Variants in HBS1L observed in about 807,000 individuals in gnomAD.
HBS1L encodes the protein HBS1 like translational GTPase, also known as HBS1-like protein.
HBS1L carries 55 observed loss-of-function variants against 88.9 expected under a neutral mutation model. That is an observed-to-expected ratio of 0.62 (90% confidence interval 0.50 to 0.77). The LOEUF (loss-of-function observed/expected upper bound fraction) is 0.77. Ranked by LOEUF, HBS1L falls within the 30% of genes least tolerant of loss-of-function variation. HBS1L has a pLI of 0.00. For synonymous variants in HBS1L, 267 were observed against 288.5 expected (o/e 0.93, Z 0.76); for missense variants, 741 against 829.3 (o/e 0.89, Z 1.31).
intron 4 of HBS1L, among the ~76,000 whole-genome samples, chr6:135,011,029 A>G (rs1775758597): frequency 6.6e-6 from 1 of 152,196 alleles, no homozygotes; most frequent in African/African-American, 2.4e-5. Flanking sequence ...TTTCAAATCA[A>G]TGGGGAAAGG....
At chr6:135,012,854 T>A (rs916909895) in intron 4 of HBS1L, among the ~76,000 whole-genome samples, 5 of 152,228 alleles carry the variant, frequency 3.3e-5, no homozygotes, top group Admixed American at 6.5e-5. Flanking sequence ...TGGTAATGCA[T>A]GAATCACAGA....
At chr6:135,015,818 A>G (rs1055319633) in intron 4 of HBS1L, among the ~76,000 whole-genome samples, 5 of 150,924 alleles carry the variant, frequency 3.3e-5, no homozygotes, top group Non-Finnish European at 7.4e-5. Context: ...CCTGAGCTCA[A>G]GCAATCCACC....
intron 4 of HBS1L, among the ~76,000 whole-genome samples, chr6:135,030,429 T>C (rs1005842772): frequency 5.9e-5 from 9 of 151,962 alleles, no homozygotes; most frequent in Non-Finnish European, 1.2e-4. Context: ...GCAAGCACTA[T>C]AGAAGGAGAG....
chr6:134,970,624 G>T (rs912375047), intron 15 of HBS1L, among the ~76,000 whole-genome samples: 1 of 152,132 alleles, frequency 6.6e-6, no homozygotes, highest in Non-Finnish European at 1.5e-5. Flanking sequence ...AATCAAAAAG[G>T]TTAAGCAATT....
chr6:134,982,329 A>G, intron 13 of HBS1L, 129 bp downstream of exon 13: 1 of 617,038 alleles, frequency 1.6e-6, no homozygotes. Flanking sequence ...AACAGTCAGT[A>G]TCATTTTGAC....
intron 8 of HBS1L, among the ~76,000 whole-genome samples, chr6:134,992,737 A>C (rs1035862849): frequency 2.0e-5 from 3 of 152,236 alleles, no homozygotes; most frequent in Non-Finnish European, 4.4e-5. Context: ...GTTAAAAAAA[A>C]TTTAAATGTT....
chr6:134,960,744 T>C lies in HBS1L; in HGVS notation c.*4535A>G, dbSNP rs566105635. 2.0e-5 allele frequency: 3 copies of C among 152,278 alleles called. No homozygotes were observed. Among genetic ancestry groups the C allele is most frequent in the African/African-American group, 7.2e-5 (3 of 41,562 alleles). 9.4% of individuals were successfully genotyped at this position (152,278 alleles called of 1,614,324 possible). On this transcript the variant is annotated 3_prime_UTR_variant, in exon 18 of 18. Coordinates refer to ENST00000367837, the MANE Select transcript of HBS1L (RefSeq NM_006620.4). ...AGTTTTTAGCAATCCCTCTGAGCTT[T>C]AGTCTTCTCATCTATAGACTGAGGT...
At chr6:135,000,126 T>C (rs925912348) in intron 5 of HBS1L, among the ~76,000 whole-genome samples, 29 of 152,136 alleles carry the variant, frequency 1.9e-4, no homozygotes, top group Non-Finnish European at 4.1e-4. Context: ...TGGTACAATA[T>C]TGGCTCACTG....
intron 8 of HBS1L, among the ~76,000 whole-genome samples, chr6:134,991,288 A>G (rs912077377): frequency 1.3e-5 from 2 of 152,254 alleles, no homozygotes; most frequent in African/African-American, 4.8e-5. Context: ...CACACTTTAA[A>G]TTATCTCTAG....
intron 1 of HBS1L, among the ~76,000 whole-genome samples, chr6:135,053,749 A>G (rs1777158217): frequency 6.6e-6 from 1 of 152,228 alleles, no homozygotes; most frequent in African/African-American, 2.4e-5. Context: ...TTCGTAAAGC[A>G]TAGTTCTTTA....
In HBS1L at chr6:134,991,034, G is replaced by GA. The variant is rs367791186; in HGVS notation, c.1083+2723dup. Among the ~76,000 whole-genome samples the GA allele has an allele frequency of 7.1e-3, 948 of 133,974 alleles. 10 individuals carry two copies. The highest frequency in any genetic ancestry group is 0.017 in the African/African-American group (619 of 36,118). The allele number at this position is 133,974 out of a possible 152,430, so 87.9% of individuals were successfully genotyped here. A position where few individuals can be genotyped will look rare whatever the true frequency, so the allele number is the denominator to read the frequency against. ...AGCCAGTATTCAATAAGTAATCAAT[G>GA]AAAAAAAAAAAGAAAAAGACTCACA... On this transcript the variant is annotated intron_variant, in intron 8 of 17. Coordinates refer to ENST00000367837, the MANE Select transcript of HBS1L (RefSeq NM_006620.4).
intron 4 of HBS1L, among the ~76,000 whole-genome samples, chr6:135,015,068 T>TA (rs1458337450): frequency 1.3e-5 from 2 of 151,632 alleles, no homozygotes; most frequent in African/African-American, 2.4e-5. Context: ...AACCCAGACA[T>TA]ACAGATAGAA....
At chr6:135,003,007 A>C (rs1775509223) in intron 4 of HBS1L, among the ~76,000 whole-genome samples, 165 bp from the exon 5 acceptor site, 1 of 152,194 alleles carries the variant, frequency 6.6e-6, no homozygotes, top group Non-Finnish European at 1.5e-5. Flanking sequence ...ATGCTGAAAG[A>C]AATTCTGTCA....
chr6:135,024,345 C>A (rs576750152), intron 4 of HBS1L, among the ~76,000 whole-genome samples: 1 of 144,746 alleles, frequency 6.9e-6, no homozygotes, highest in African/African-American at 2.6e-5. Flanking sequence ...GAGGCTGAGG[C>A]AGAAGAATGG....
chr6:135,011,374 G>A (rs1040113541), intron 4 of HBS1L, among the ~76,000 whole-genome samples: 1 of 152,030 alleles, frequency 6.6e-6, no homozygotes, highest in Non-Finnish European at 1.5e-5. Context: ...TTTTCAATTA[G>A]CTGGGCGTAT....
rs748888719 is a variant in HBS1L at position 135,039,765 on chromosome 6, G to T, written c.238C>A (p.Arg80Ser). Residue 80 changes from arginine (R) to serine (S), a missense_variant and splice_region_variant, in exon 4 of 18, where the codon CGT becomes AGT. By Grantham distance (110) the Arg-to-Ser change is moderately radical. Transcript: ENST00000367837. Reference sequence around the variant, plus strand: ...ATGTGATCAAGGCATGAATAAAGACGAGCTAGAAAAGACGACAATGGTCAA... The same window carrying T: ...ATGTGATCAAGGCATGAATAAAGACTAGCTAGAAAAGACGACAATGGTCAA... The part of the protein sequence containing the change: ...NHQLSGFDQA[R>S]LYSCLDHMRE... 4.4e-6 allele frequency: 7 copies of T among 1,606,720 alleles called. No homozygotes were observed. In the Admixed American group the frequency reaches 1.2e-4, roughly 28 times the overall value.
intron 12 of HBS1L, among the ~76,000 whole-genome samples, chr6:134,984,897 T>C (rs1328452771): frequency 6.6e-6 from 1 of 152,028 alleles, no homozygotes; most frequent in Non-Finnish European, 1.5e-5. Flanking sequence ...AACTCCTAAC[T>C]GGACCCAGAC....
At chr6:134,988,780 A>C (rs900395183) in intron 8 of HBS1L, among the ~76,000 whole-genome samples, 1 of 152,206 alleles carries the variant, frequency 6.6e-6, no homozygotes, top group African/African-American at 2.4e-5. Flanking sequence ...CTTAAAAATT[A>C]CACATATTTT....
In HBS1L at chr6:134,964,526, C is replaced by G. The variant is rs1562268647; in HGVS notation, c.*753G>C. ...ATAAAAAAGAATTCATGTGACAGAG[C>G]TAGGAAACTCTTAGGTGAAAAAGAT... is the stretch of plus-strand genomic sequence containing the variant. On this transcript the variant is annotated 3_prime_UTR_variant, in exon 18 of 18. Coordinates refer to ENST00000367837, the MANE Select transcript of HBS1L (RefSeq NM_006620.4). 1 of 152,074 alleles carries G rather than the reference C, an allele frequency of 6.6e-6. No homozygotes were observed. The highest frequency in any genetic ancestry group is 1.9e-4 in the East Asian group (1 of 5,198). The allele number at this position is 152,074 out of a possible 1,614,324, so 9.4% of individuals were successfully genotyped here. A position where few individuals can be genotyped will look rare whatever the true frequency, so the allele number is the denominator to read the frequency against.
Sources: gnomAD v4.1 joint callset for allele counts (sites outside exome capture counted in the v4.1 genomes callset) on GRCh38, gnomAD v4.1.1 for gene constraint, MANE v1.5 for transcripts, NCBI Gene and HGNC (gene_info 2026-07-23, HGNC 2026-07-21) for gene names.